Variants in DLG2 observed in about 807,000 individuals in gnomAD.
DLG2 encodes the protein disks large homolog 2.
DLG2 carries 45 observed loss-of-function variants against 132.5 expected under a neutral mutation model. The ratio of observed to expected loss-of-function variants is 0.34; its 90% CI spans 0.27 to 0.44. The LOEUF is 0.44. Among genes scored for constraint, DLG2 ranks in the 20% least tolerant of loss-of-function variants. The probability of loss-of-function intolerance (pLI) is 1.00; values close to 1 mark genes in which losing one functional copy is unlikely to be tolerated. For missense variants in DLG2, 1,045 were observed against 1,196.9 expected (o/e 0.87, Z 1.87); for synonymous variants, 424 against 419.6 (o/e 1.01, Z -0.13).
rs749006091 is a variant in DLG2 at position 84,251,276 on chromosome 11, T to C, written c.535A>G (p.Ile179Val). 49 of 1,593,384 alleles carry C rather than the reference T, an allele frequency of 3.1e-5. No individual in the cohort carries two copies. The highest frequency in any genetic ancestry group is 3.9e-5 in the Non-Finnish European group (46 of 1,172,276). Residue 179 changes from isoleucine (I) to valine (V), a missense_variant, in exon 8 of 28, where the codon ATA (isoleucine) becomes GTA (valine). Physicochemically the swap from Ile to Val is conservative, Grantham distance 29. Transcript: ENST00000376104. The stretch of plus-strand genomic sequence containing the variant: ...TCCAAAGTATCTGTGTTGACAATTA[T>C]AGGAGCAGGACTGGCCTGAAAAAAG... ...ISPLKASPAP[I>V]IVNTDTLDTI...
intron 3 of DLG2, among the ~76,000 whole-genome samples, chr11:85,564,500 C>T (rs1263111631): frequency 1.3e-5 from 2 of 151,918 alleles, no homozygotes; most frequent in Non-Finnish European, 2.9e-5. Flanking sequence ...TCTAGCATCA[C>T]TTGTTGAAAA....
At chr11:85,568,163 C>A (rs188885514) in intron 3 of DLG2, among the ~76,000 whole-genome samples, 1 of 151,918 alleles carries the variant, frequency 6.6e-6, no homozygotes, top group East Asian at 1.9e-4. Context: ...TACAGGCATG[C>A]ACCACCATGC....
intron 7 of DLG2, among the ~76,000 whole-genome samples, chr11:84,492,365 T>C (rs61897714): frequency 2.6e-5 from 4 of 152,128 alleles, no homozygotes; most frequent in Non-Finnish European, 5.9e-5. Flanking sequence ...GTGGGTGATA[T>C]AACTCCAGCT....
At chr11:84,413,303 G>A (rs2098916403) in intron 7 of DLG2, among the ~76,000 whole-genome samples, 1 of 152,160 alleles carries the variant, frequency 6.6e-6, no homozygotes, top group Non-Finnish European at 1.5e-5. Context: ...AGAAAGCACG[G>A]AGTCAAATGA....
chr11:84,780,561 T>A (rs1383375304), intron 6 of DLG2, among the ~76,000 whole-genome samples: 1 of 152,106 alleles, frequency 6.6e-6, no homozygotes, highest in East Asian at 1.9e-4. Flanking sequence ...GGCTGTAACA[T>A]TTTTTCATTC....
chr11:85,413,551 T>G (rs535667501), intron 3 of DLG2, among the ~76,000 whole-genome samples: 7 of 152,056 alleles, frequency 4.6e-5, no homozygotes, highest in Non-Finnish European at 7.4e-5. Context: ...TAGATTTAAG[T>G]CCTTAATCCA....
At chr11:84,326,515 T>C (rs2098434004) in intron 7 of DLG2, among the ~76,000 whole-genome samples, 1 of 152,200 alleles carries the variant, frequency 6.6e-6, no homozygotes, top group Non-Finnish European at 1.5e-5. Context: ...TTTAATTTCC[T>C]CATGTGTAAA....
chr11:85,083,262 A>G (rs1031132256), intron 6 of DLG2, among the ~76,000 whole-genome samples: 1 of 152,120 alleles, frequency 6.6e-6, no homozygotes, highest in African/African-American at 2.4e-5. Flanking sequence ...TGAATGGGGG[A>G]GCCTCCTGGG....
chr11:84,929,041 G>A (rs2047792279), intron 6 of DLG2, among the ~76,000 whole-genome samples: 1 of 126,422 alleles, frequency 7.9e-6, no homozygotes, highest in Non-Finnish European at 1.6e-5. Context: ...TGAATGCCTA[G>A]GGGTAGGGGT....
intron 11 of DLG2, among the ~76,000 whole-genome samples, chr11:84,033,664 G>A (rs1035381899): frequency 3.3e-5 from 5 of 152,148 alleles, no homozygotes; most frequent in South Asian, 4.1e-4. Flanking sequence ...GCTACCAAAC[G>A]GTACCACATG....
intron 3 of DLG2, among the ~76,000 whole-genome samples, chr11:85,555,092 T>TA (rs2076866278): frequency 6.6e-6 from 1 of 151,858 alleles, no homozygotes; most frequent in Non-Finnish European, 1.5e-5. Context: ...TCATGATAAT[T>TA]AAACTCTACT....
intron 7 of DLG2, among the ~76,000 whole-genome samples, chr11:84,346,394 A>G (rs1262965521): frequency 6.6e-6 from 1 of 152,228 alleles, no homozygotes; most frequent in Non-Finnish European, 1.5e-5. Flanking sequence ...TACAGCAGGT[A>G]TCAGTACATG....
At chr11:83,962,512 A>G (rs751800668) in intron 14 of DLG2, among the ~76,000 whole-genome samples, 7 of 152,058 alleles carry the variant, frequency 4.6e-5, no homozygotes, top group African/African-American at 1.7e-4. Flanking sequence ...ATTGAATTCC[A>G]CTAACCAAAT....
intron 6 of DLG2, among the ~76,000 whole-genome samples, chr11:85,109,121 TG>T (rs1329291703): frequency 5.3e-5 from 8 of 152,096 alleles, no homozygotes; most frequent in African/African-American, 1.9e-4. Flanking sequence ...CAGTCAGTCC[TG>T]GCCAAGGGCA....
At chr11:83,826,296 T>G (rs532583291) in intron 17 of DLG2, among the ~76,000 whole-genome samples, 1 of 152,154 alleles carries the variant, frequency 6.6e-6, no homozygotes, top group African/African-American at 2.4e-5. Flanking sequence ...GCCTGGCTAG[T>G]GGGGCTCTGA....
chr11:84,484,774 T>G (rs1222539139), intron 7 of DLG2, among the ~76,000 whole-genome samples: 1 of 152,164 alleles, frequency 6.6e-6, no homozygotes, highest in African/African-American at 2.4e-5. Flanking sequence ...ATTTGAATAA[T>G]CTTTCAAGTC....
At position 83,874,502 on chromosome 11, in the gene DLG2, CAG is replaced by C; in HGVS notation, c.1497-16_1497-15del. 6.3e-7 allele frequency: 1 copy of C among 1,583,804 alleles called. No homozygotes were observed. The highest frequency in any genetic ancestry group is 2.3e-5 in the East Asian group (1 of 44,030). On this transcript the variant is annotated splice_polypyrimidine_tract_variant and intron_variant, in intron 15 of 27. Coordinates refer to ENST00000376104, the MANE Select transcript of DLG2 (RefSeq NM_001142699.3). Reference sequence around the variant, plus strand: ...TGTTGGGAATGACTGCAAGAAAAGACAGAAGAAACACACATCATTTATTTATT... The same window carrying C: ...TGTTGGGAATGACTGCAAGAAAAGACAAGAAACACACATCATTTATTTATT...
chr11:84,798,400 C>T (rs1012249191), intron 6 of DLG2, among the ~76,000 whole-genome samples: 63 of 152,188 alleles, frequency 4.1e-4, no homozygotes, highest in Non-Finnish European at 6.5e-4. Flanking sequence ...AAGTCCTTCC[C>T]CCTCTTTCCT....
Position 84,613,519 on chromosome 11 carries a change from A to G in DLG2, c.358-78788T>C, listed in dbSNP as rs546418840. Among the ~76,000 whole-genome samples the G allele has an allele frequency of 2.0e-5, 3 of 152,262 alleles. No individual in the cohort carries two copies. The South Asian group carries it at 6.2e-4, about 32-fold the overall frequency. On this transcript the variant is annotated intron_variant, in intron 6 of 27. Coordinates refer to ENST00000376104, the MANE Select transcript of DLG2 (RefSeq NM_001142699.3). ...GGTGAAGAAAATAGTATCTATTAAA[A>G]TAATTTATTTTGCTGGTTAATTGAC...
Sources: gnomAD v4.1 joint callset for allele counts (sites outside exome capture counted in the v4.1 genomes callset) on GRCh38, gnomAD v4.1.1 for gene constraint, MANE v1.5 for transcripts, NCBI Gene and HGNC (gene_info 2026-07-23, HGNC 2026-07-21) for gene names.